The following WWOX variants were observed in gnomAD, a reference collection of about 807,000 sequenced individuals.
The protein encoded by WWOX is WW domain containing oxidoreductase.
WWOX carries 69 observed loss-of-function variants against 46.2 expected under a neutral mutation model. The observed-to-expected ratio is 1.49, with a 90% CI of 1.23 to 1.82. The LOEUF (loss-of-function observed/expected upper bound fraction) is 1.82. Ranked by LOEUF, WWOX falls within the 40% of genes most tolerant of loss-of-function variation. The probability of loss-of-function intolerance (pLI) is 0.00; values close to 1 mark genes in which losing one functional copy is unlikely to be tolerated. For missense variants in WWOX, 919 were observed against 542.6 expected, an observed-to-expected ratio of 1.69 and a Z score of -6.89; for synonymous variants, 359 against 202.6, an observed-to-expected ratio of 1.77 and a Z score of -6.56.
chr16:78,975,136 C>T (rs1445531200), intron 8 of WWOX, among the ~76,000 whole-genome samples: 1 of 152,186 alleles, frequency 6.6e-6, no homozygotes, highest in East Asian at 1.9e-4. Flanking sequence ...AAAGATACTC[C>T]AGTCCTTAAA....
At chr16:78,641,492 G>A (rs2142115490) in intron 8 of WWOX, among the ~76,000 whole-genome samples, 1 of 152,190 alleles carries the variant, frequency 6.6e-6, no homozygotes, top group East Asian at 1.9e-4. Flanking sequence ...CACGCCCCAA[G>A]CTCTATTTAA....
At chr16:78,714,389 C>G (rs908731830) in intron 8 of WWOX, among the ~76,000 whole-genome samples, 2 of 151,986 alleles carry the variant, frequency 1.3e-5, no homozygotes, top group African/African-American at 4.8e-5. Context: ...ACCATCAGAT[C>G]TCGTGAGACT....
At chr16:79,002,442 C>T (rs942758806) in intron 8 of WWOX, among the ~76,000 whole-genome samples, 8 of 152,014 alleles carry the variant, frequency 5.3e-5, no homozygotes, top group African/African-American at 9.6e-5. Flanking sequence ...AGGCTGCTCT[C>T]GAACTCCTGA....
chr16:78,774,569 T>TCC (rs377581272), intron 8 of WWOX, among the ~76,000 whole-genome samples: 1 of 148,558 alleles, frequency 6.7e-6, no homozygotes, highest in African/African-American at 2.5e-5. Context: ...CGTGTCCCCC[T>TCC]CCCCCCCCAC....
At chr16:79,156,450 C>A (rs977007632) in intron 8 of WWOX, among the ~76,000 whole-genome samples, 3 of 152,142 alleles carry the variant, frequency 2.0e-5, no homozygotes, top group East Asian at 3.9e-4. Flanking sequence ...CGTGAGCCAC[C>A]GCTCCCAGCA....
intron 8 of WWOX, among the ~76,000 whole-genome samples, chr16:78,644,509 T>C (rs2046795248): frequency 6.6e-6 from 1 of 152,120 alleles, no homozygotes; most frequent in Admixed American, 6.6e-5. Context: ...TTGCTCAGGC[T>C]GCTGTACAGT....
chr16:78,908,462 C>A (rs1345691123), intron 8 of WWOX, among the ~76,000 whole-genome samples: 2 of 151,466 alleles, frequency 1.3e-5, no homozygotes, highest in Admixed American at 6.6e-5. Flanking sequence ...ACTGCTTGAA[C>A]CTGGGAGGCA....
At chr16:78,600,488 C>T (rs1343785308) in intron 8 of WWOX, among the ~76,000 whole-genome samples, 2 of 152,144 alleles carry the variant, frequency 1.3e-5, no homozygotes, top group African/African-American at 4.8e-5. Context: ...CCCCCCAACC[C>T]TCCGTGGGTT....
At chr16:79,063,923 T>G (rs1026581127) in intron 8 of WWOX, among the ~76,000 whole-genome samples, 16 of 152,182 alleles carry the variant, frequency 1.1e-4, no homozygotes, top group African/African-American at 3.9e-4. Context: ...GAGCAAAAAC[T>G]GGCAATTTTC....
At chr16:78,638,146 T>A (rs957925464) in intron 8 of WWOX, among the ~76,000 whole-genome samples, 3 of 152,170 alleles carry the variant, frequency 2.0e-5, no homozygotes, top group Non-Finnish European at 4.4e-5. Flanking sequence ...CCCTCAACAC[T>A]GTTTCCCATG....
chr16:78,422,776 T>TATATATATACACACACAC (rs1488028356), intron 6 of WWOX, among the ~76,000 whole-genome samples: 6 of 111,510 alleles, frequency 5.4e-5, no homozygotes, highest in African/African-American at 1.0e-4. Flanking sequence ...TATACACACA[T>TATATATATACACACACAC]ATATATATAC....
intron 8 of WWOX, among the ~76,000 whole-genome samples, chr16:78,809,584 C>G (rs1038943639): frequency 1.3e-5 from 2 of 152,160 alleles, no homozygotes; most frequent in African/African-American, 4.8e-5. Flanking sequence ...GGTGTCATGT[C>G]TTCTTTCCCT....
At chr16:78,462,596 G>T (rs144690428) in intron 8 of WWOX, among the ~76,000 whole-genome samples, 129 of 152,306 alleles carry the variant, frequency 8.5e-4, no homozygotes, top group African/African-American at 3.1e-3. Context: ...AAGTGGAACC[G>T]GGAGATCAGA....
chr16:78,130,625 C>T (rs1048947828), intron 4 of WWOX, among the ~76,000 whole-genome samples: 3 of 152,228 alleles, frequency 2.0e-5, no homozygotes, highest in Admixed American at 1.3e-4. Flanking sequence ...AGTTTACCTG[C>T]CTGCTTCCTG....
rs537642648 is a variant in WWOX, at chr16:78,937,448, C to CTTTTTTTTT, written c.1057-274142_1057-274134dup. On this transcript the variant is annotated intron_variant, in intron 8 of 8. Coordinates refer to ENST00000566780, the MANE Select transcript of WWOX (RefSeq NM_016373.4). ...TTAGAGAACTTTGTATTTGTATTAA[C>CTTTTTTTTT]TTTTTTTTTTTTTTTTTTTTTTTTT... Among the ~76,000 whole-genome samples, 14 of 81,994 alleles carry CTTTTTTTTT rather than the reference C, an allele frequency of 1.7e-4. 1 individual carries two copies. The highest frequency in any genetic ancestry group is 2.1e-4 in the African/African-American group (4 of 19,122). The allele number at this position is 81,994 out of a possible 152,430, so 53.8% of individuals were successfully genotyped here. A position where few individuals can be genotyped will look rare whatever the true frequency, so the allele number is the denominator to read the frequency against.
chr16:78,901,064 C>T (rs1228368979), intron 8 of WWOX, among the ~76,000 whole-genome samples: 1 of 152,154 alleles, frequency 6.6e-6, no homozygotes, highest in Non-Finnish European at 1.5e-5. Context: ...ACCCTTGTAT[C>T]AGAGTTTGCA....
chr16:78,771,226 G>A (rs1254412747), intron 8 of WWOX, among the ~76,000 whole-genome samples: 2 of 152,152 alleles, frequency 1.3e-5, no homozygotes, highest in East Asian at 1.9e-4. Flanking sequence ...TGAAAAGATC[G>A]CTCTGGCTGC....
chr16:78,242,501 T>C (rs1389355749), intron 5 of WWOX, among the ~76,000 whole-genome samples: 1 of 152,198 alleles, frequency 6.6e-6, no homozygotes, highest in Non-Finnish European at 1.5e-5. Flanking sequence ...ATGAGGAGTT[T>C]TCTTCGTGGT....
intron 8 of WWOX, among the ~76,000 whole-genome samples, chr16:79,085,979 G>A (rs1457187080): frequency 6.6e-6 from 1 of 152,178 alleles, no homozygotes; most frequent in Admixed American, 6.5e-5. Context: ...GGCTGAGGCA[G>A]GAGGATCGCT....
Sources: allele counts gnomAD v4.1 joint callset (sites outside exome capture counted in the v4.1 genomes callset), GRCh38; gene constraint gnomAD v4.1.1; transcripts MANE v1.5; gene names NCBI Gene and HGNC (gene_info 2026-07-23, HGNC 2026-07-21).